Variants in RUNX1T1 observed in about 807,000 individuals in gnomAD.
The protein encoded by RUNX1T1 is protein CBFA2T1.
In RUNX1T1, 4 loss-of-function variants were observed where a neutral mutation model predicts 62.8. That is an observed-to-expected ratio of 0.06 (90% CI 0.03 to 0.15). The LOEUF is 0.15. Among genes scored for constraint, RUNX1T1 ranks in the 10% least tolerant of loss-of-function variants. The pLI is 1.00. For missense variants in RUNX1T1, 508 were observed against 754.3 expected, an observed-to-expected ratio of 0.67 and a Z score of 3.82; for synonymous variants, 291 against 286.0, an observed-to-expected ratio of 1.02 and a Z score of -0.18.
intron 10 of RUNX1T1, 81 bp from the exon 12 acceptor site, chr8:91,960,598 A>C: frequency 7.0e-7 from 1 of 1,423,006 alleles, no homozygotes; most frequent in Non-Finnish European, 9.7e-7. Flanking sequence ...GTTAGGCATC[A>C]CTGTAGCCTT....
At chr8:92,005,069 G>A (rs746862955) in intron 5 of RUNX1T1, 47 bp downstream of exon 6, 5 of 1,490,812 alleles carry the variant, frequency 3.4e-6, no homozygotes, top group South Asian at 2.6e-5. Context: ...CATGCCACAG[G>A]TATGGGAAAA....
downstream of RUNX1T1, chr8:91,957,990 T>C (rs1188928453): frequency 4.6e-6 from 1 of 218,238 alleles, no homozygotes; most frequent in African/African-American, 2.3e-5. Context: ...AGAAATGCTT[T>C]TAAAAATGTT....
At chr8:92,029,191 G>A (rs1825793134) in intron 1 of RUNX1T1, among the ~76,000 whole-genome samples, 1 of 152,020 alleles carries the variant, frequency 6.6e-6, no homozygotes, top group Non-Finnish European at 1.5e-5. Context: ...GTACTCTAGG[G>A]GGAAAAAAAG....
At chr8:92,091,941 C>T (rs1165703452) in intron 1 of RUNX1T1, among the ~76,000 whole-genome samples, 1 of 152,176 alleles carries the variant, frequency 6.6e-6, no homozygotes. Flanking sequence ...CTGCCTTCCC[C>T]TTTATACATT....
At chr8:92,102,699 G>A (rs1838095581), upstream of RUNX1T1, among the ~76,000 whole-genome samples, 1 of 152,198 alleles carries the variant, frequency 6.6e-6, no homozygotes, top group Non-Finnish European at 1.5e-5. The surrounding 1 kb of genome is among the most constrained non-coding windows in gnomAD (Gnocchi z 4.5). Flanking sequence ...CTTTGCCCTG[G>A]TGCGTAGTCC....
At chr8:92,051,439 A>C (rs1192325612) in intron 1 of RUNX1T1, among the ~76,000 whole-genome samples, 1 of 152,200 alleles carries the variant, frequency 6.6e-6, no homozygotes, top group East Asian at 1.9e-4. Flanking sequence ...AAGAAAAAAA[A>C]TTTAAAAATT....
chr8:92,095,293 T>C (rs376061495), intron 1 of RUNX1T1: 4 of 1,518,744 alleles, frequency 2.6e-6, no homozygotes, highest in African/African-American at 2.8e-5. Flanking sequence ...CCCTTCCTCC[T>C]GGCCACCCCT....
chr8:91,985,389 T>A (rs940850748), intron 8 of RUNX1T1, among the ~76,000 whole-genome samples: 1 of 152,164 alleles, frequency 6.6e-6, no homozygotes, highest in African/African-American at 2.4e-5. Context: ...ACCCCAACAA[T>A]TCCCAAATAT....
intron 1 of RUNX1T1, among the ~76,000 whole-genome samples, chr8:92,089,455 C>T (rs1203587662): frequency 6.6e-6 from 1 of 152,108 alleles, no homozygotes; most frequent in Non-Finnish European, 1.5e-5. Flanking sequence ...ACCAGGTTCT[C>T]TCCAAAAAAT....
At chr8:91,961,991 G>A (rs1288200081) in intron 10 of RUNX1T1, among the ~76,000 whole-genome samples, 4 of 152,174 alleles carry the variant, frequency 2.6e-5, no homozygotes, top group Admixed American at 6.5e-5. Context: ...TGTGGCTTAA[G>A]GTAAGCTCAT....
intron 1 of RUNX1T1, among the ~76,000 whole-genome samples, chr8:92,049,578 T>C (rs953578217): frequency 2.6e-5 from 4 of 152,142 alleles, no homozygotes; most frequent in Non-Finnish European, 5.9e-5. Flanking sequence ...CTCCTCCACA[T>C]TCCTTAAGCA....
intron 1 of RUNX1T1, among the ~76,000 whole-genome samples, chr8:92,086,454 CA>C (rs1346783482): frequency 6.6e-6 from 1 of 152,164 alleles, no homozygotes; most frequent in Non-Finnish European, 1.5e-5. Flanking sequence ...TGGAAAGAGG[CA>C]AAACACATGA....
intron 5 of RUNX1T1, among the ~76,000 whole-genome samples, chr8:91,999,306 G>A (rs905255755): frequency 6.6e-6 from 1 of 152,180 alleles, no homozygotes; most frequent in African/African-American, 2.4e-5. Context: ...GTCACATAGA[G>A]ATGGCTTCAA....
chr8:91,964,442 C>T (rs1376599628), intron 10 of RUNX1T1, among the ~76,000 whole-genome samples: 1 of 152,082 alleles, frequency 6.6e-6, no homozygotes, highest in Non-Finnish European at 1.5e-5. Context: ...AATTGAAACT[C>T]CTCAAATGTT....
intron 8 of RUNX1T1, among the ~76,000 whole-genome samples, chr8:91,978,279 A>C (rs569642201): frequency 6.6e-6 from 1 of 152,294 alleles, no homozygotes; most frequent in Non-Finnish European, 1.5e-5. Context: ...TCCATGTCTC[A>C]GATGCCTCAT....
intron 1 of RUNX1T1, among the ~76,000 whole-genome samples, chr8:92,028,088 TGGGA>T (rs1417681526): frequency 6.1e-5 from 2 of 32,704 alleles, no homozygotes; most frequent in Non-Finnish European, 1.1e-4. Flanking sequence ...GGGGGGGGGG[TGGGA>T]AGGAAGGAGG....
At chr8:91,955,402 GAGT>G (rs1809206501), downstream of RUNX1T1, 1 of 227,676 alleles carries the variant, frequency 4.4e-6, no homozygotes, top group Non-Finnish European at 8.7e-6. Flanking sequence ...TGGAAAAAAA[GAGT>G]AACTATGAAA....
At chr8:92,036,903 T>C (rs567546478) in intron 1 of RUNX1T1, among the ~76,000 whole-genome samples, 13 of 152,320 alleles carry the variant, frequency 8.5e-5, no homozygotes, top group African/African-American at 1.7e-4. Context: ...TCTTATATTG[T>C]TCCCTAGCTA....
At chr8:92,051,050 G>A (rs1013672386) in intron 1 of RUNX1T1, among the ~76,000 whole-genome samples, 1 of 152,056 alleles carries the variant, frequency 6.6e-6, no homozygotes, top group Admixed American at 6.5e-5. Context: ...CACCTAGTAA[G>A]TCACTCTCCA....
Sources: allele counts gnomAD v4.1 joint callset (sites outside exome capture counted in the v4.1 genomes callset), GRCh38; gene constraint gnomAD v4.1.1; non-coding constraint Gnocchi (gnomAD v3.1); transcripts MANE v1.5; gene names NCBI Gene and HGNC (gene_info 2026-07-23, HGNC 2026-07-21).